N4BP3: variants seen among roughly 807,000 people sequenced by gnomAD.
N4BP3 encodes NEDD4-binding protein 3.
N4BP3 carries 33 observed loss-of-function variants against 43.8 expected under a neutral mutation model. The observed-to-expected ratio is 0.75, with a 90% CI of 0.57 to 1.01. N4BP3 has a LOEUF of 1.01. Ranked by LOEUF, N4BP3 falls within the 50% of genes least tolerant of loss-of-function variation. The probability of loss-of-function intolerance (pLI) is 0.00; values close to 1 mark genes in which losing one functional copy is unlikely to be tolerated. For synonymous variants in N4BP3, 326 were observed against 321.9 expected (o/e 1.01, Z -0.14); for missense variants, 756 against 744.2 (o/e 1.02, Z -0.18).
intron 4 of N4BP3, 45 bp from the exon 5 acceptor site, chr5:178,121,429 C>T (rs201968857): frequency 5.0e-6 from 8 of 1,613,488 alleles, no homozygotes; most frequent in Admixed American, 3.3e-5. Flanking sequence ...CCTCCCAAAC[C>T]GGCTCCCCAC....
intron 3 of N4BP3, 82 bp from the exon 4 acceptor site, chr5:178,121,016 T>A (rs776043550): frequency 3.1e-5 from 46 of 1,505,654 alleles, no homozygotes; most frequent in Non-Finnish European, 4.0e-5. Context: ...CAGGATATGA[T>A]CAGTGGCTGG....
chr5:178,122,388 A>C lies in N4BP3; in HGVS notation c.*387A>C. On this transcript the variant is annotated 3_prime_UTR_variant, in exon 5 of 5. Coordinates refer to ENST00000274605, the MANE Select transcript of N4BP3 (RefSeq NM_015111.2). ...GGAACACTGGCCTCCCCCAGAATAA[A>C]ACCATGTTTTCTACCAGAGGCTCAG... 5.2e-6 allele frequency: 1 copy of C among 191,556 alleles called. No individual in the cohort carries two copies. The highest frequency in any genetic ancestry group is 1.1e-5 in the Non-Finnish European group (1 of 92,462). The allele number at this position is 191,556 out of a possible 1,614,324, so 11.9% of individuals were successfully genotyped here. A position where few individuals can be genotyped will look rare whatever the true frequency, so the allele number is the denominator to read the frequency against.
intron 1 of N4BP3, among the ~76,000 whole-genome samples, chr5:178,114,989 C>T (rs942883712): frequency 2.6e-5 from 4 of 152,198 alleles, no homozygotes; most frequent in African/African-American, 9.7e-5. Context: ...CTTAGGACAA[C>T]CTGCTGAGGT....
In N4BP3 at chr5:178,119,748, C is replaced by T. The variant is rs1757863990; in HGVS notation, c.165C>T (p.Phe55=). 6.2e-7 allele frequency: 1 copy of T among 1,613,452 alleles called. No homozygotes were observed. The highest frequency in any genetic ancestry group is 8.5e-7 in the Non-Finnish European group (1 of 1,180,018). ...GGAAGGGCTTGGGCCAGCGTGAGTTCCTCAGCTACCTGCACCTCCCCAAGA... is the reference window on the plus strand; with the variant it reads ...GGAAGGGCTTGGGCCAGCGTGAGTTTCTCAGCTACCTGCACCTCCCCAAGA... ...LLRKGLGQRE[F]LSYLHLPKKD... is the part of the protein sequence containing the mutation. Residue 55 remains phenylalanine (F), a synonymous_variant, in exon 2 of 5, where the codon TTC becomes TTT. Transcript: ENST00000274605.
At position 178,121,590 on chromosome 5, in the gene N4BP3, C is replaced by T. The variant is rs747797143; in HGVS notation, c.1224C>T (p.Ser408=). 1 of 1,613,386 alleles carries T rather than the reference C, an allele frequency of 6.2e-7. No individual in the cohort carries two copies. The highest frequency in any genetic ancestry group is 8.5e-7 in the Non-Finnish European group (1 of 1,179,966). The change falls in exon 5 of 5, where the codon AGC becomes AGT. Residue 408 remains serine (S), a synonymous_variant. Transcript: ENST00000274605. ...GTCTGAAGACACAACTTCGGGGCAG[C>T]CGGGCACAAGCCCAGGCTCAGGACG... ...IFSLKTQLRG[S]RAQAQAQDAE...
chr5:178,119,989 G>T (rs13163671), intron 2 of N4BP3, 76 bp downstream of exon 2: 1 of 1,492,278 alleles, frequency 6.7e-7, no homozygotes, highest in South Asian at 1.3e-5. Context: ...TTGGGATGGG[G>T]TGGGGACGGG....
In N4BP3 at chr5:178,121,258, G is replaced by C; in HGVS notation, c.1013G>C (p.Arg338Pro). The C allele has an allele frequency of 1.2e-6, 2 of 1,605,820 alleles. No individual in the cohort carries two copies. The highest frequency in any genetic ancestry group is 8.5e-7 in the Non-Finnish European group (1 of 1,176,670). The change falls in exon 4 of 5, where the codon CGG becomes CCG. Residue 338 changes from arginine to proline, a missense_variant. Transcript: ENST00000274605. ...CAGCGGCGCCTGCGCAAGGAGCTGC[G>C]GGCTCAGCAGGGCCTGGCTCCGGAG... Reference protein sequence around the residue: ...QEQRRLRKELRAQQGLAPEPR... With the variant: ...QEQRRLRKELPAQQGLAPEPR...
intron 1 of N4BP3, among the ~76,000 whole-genome samples, chr5:178,116,172 C>G (rs1203593032): frequency 6.6e-6 from 1 of 151,712 alleles, no homozygotes; most frequent in East Asian, 2.0e-4. Context: ...ACCAAATCCC[C>G]TCCGCCTGCA....
downstream of N4BP3, among the ~76,000 whole-genome samples, chr5:178,126,655 G>A (rs1758070997): frequency 6.6e-6 from 1 of 152,136 alleles, no homozygotes; most frequent in East Asian, 1.9e-4. Flanking sequence ...GCAGGGAGGG[G>A]CCTTCTCTGA....
Position 178,118,369 on chromosome 5 carries a change from A to G in N4BP3, c.-30-1185A>G, listed in dbSNP as rs1297220287. ...ACCCCATCCTCCCAGCATCCCAGTG[A>G]TAAGTGTTATTGTCGCCAGGGTGTG... On this transcript the variant is annotated intron_variant, in intron 1 of 4. Transcript: ENST00000274605. This position sits in a 1 kb window ranked among gnomAD's most constrained non-coding sequence, Gnocchi z 5.4. Among the ~76,000 whole-genome samples, 1 of 152,198 alleles carries G rather than the reference A, an allele frequency of 6.6e-6. No individual in the cohort carries two copies. The highest frequency in any genetic ancestry group is 1.5e-5 in the Non-Finnish European group (1 of 68,024).
In N4BP3 at chr5:178,115,478, G is replaced by A. The variant is rs145866039; in HGVS notation, c.-31+1707G>A. Among the ~76,000 whole-genome samples, 45 of 152,338 alleles carry A rather than the reference G, an allele frequency of 3.0e-4. No individual in the cohort carries two copies. The East Asian group carries it at 7.3e-3, about 25-fold the overall frequency. ...CAGGGCTCAGGAGGGGCTGACTGTA[G>A]CCAGGGCAGGCAGCACTCCTGCCCA... On this transcript the variant is annotated intron_variant, in intron 1 of 4. Coordinates refer to ENST00000274605, the MANE Select transcript of N4BP3 (RefSeq NM_015111.2).
chr5:178,120,767 G>T (rs908709317), intron 3 of N4BP3, 68 bp downstream of exon 3: 2 of 1,464,178 alleles, frequency 1.4e-6, no homozygotes, highest in African/African-American at 2.8e-5. Context: ...AGAGAGAGGG[G>T]CCCCAGCCAG....
In N4BP3 at chr5:178,118,246, TG is replaced by T. The variant is rs1757817711; in HGVS notation, c.-30-1306del. 6.6e-6 allele frequency among the ~76,000 whole-genome samples: 1 copy of T among 152,080 alleles called. No individual in the cohort carries two copies. Among genetic ancestry groups the T allele is most frequent in the Non-Finnish European group, 1.5e-5 (1 of 68,004 alleles). ...AAGGTGGTCCGTCAGCCTAGTCCCT[TG>T]GTGATGTTTGTGTGCCTGGCTGAGC... On this transcript the variant is annotated intron_variant, in intron 1 of 4. Coordinates refer to ENST00000274605, the MANE Select transcript of N4BP3 (RefSeq NM_015111.2). This position sits in a 1 kb window ranked among gnomAD's most constrained non-coding sequence, Gnocchi z 5.4.
rs976300969 is a variant in N4BP3, at chr5:178,118,034, G to C, written c.-30-1520G>C. ...AGTAGGGGACCCACAGCTGCAGCTG[G>C]CCTGCTGGGCTTCTGTTCGAGAATG... On this transcript the variant is annotated intron_variant, in intron 1 of 4. Transcript: ENST00000274605. The surrounding 1 kb of genome is among the most constrained non-coding windows in gnomAD (Gnocchi z 5.4). 6.6e-6 allele frequency among the ~76,000 whole-genome samples: 1 copy of C among 152,186 alleles called. No homozygotes were observed. Among genetic ancestry groups the C allele is most frequent in the Non-Finnish European group, 1.5e-5 (1 of 68,032 alleles).
At position 178,121,772 on chromosome 5, in the gene N4BP3, G is replaced by GGGCTGAGCTGCTGCA; in HGVS notation, c.1409_1423dup (p.Ala470_Gln474dup). 1 of 1,608,350 alleles carries GGGCTGAGCTGCTGCA rather than the reference G, an allele frequency of 6.2e-7. No individual in the cohort carries two copies. The highest frequency in any genetic ancestry group is 8.5e-7 in the Non-Finnish European group (1 of 1,179,652). On this transcript the variant is annotated inframe_insertion, in exon 5 of 5. Transcript: ENST00000274605. ...GCCAGAGACAGTGCTGAGCAGCTGC[G>GGGCTGAGCTGCTGCA]GGCTGAGCTGCTGCAGGAGCGACTT...
In N4BP3 at chr5:178,113,556, G is replaced by A. The variant is rs1416283436; in HGVS notation, c.-246G>A. The A allele has an allele frequency of 6.6e-6, 1 of 151,642 alleles. No homozygotes were observed. Among genetic ancestry groups the A allele is most frequent in the Non-Finnish European group, 1.5e-5 (1 of 67,862 alleles). 9.4% of individuals were successfully genotyped at this position (151,642 alleles called of 1,614,324 possible). A position where few individuals can be genotyped will look rare whatever the true frequency, so the allele number is the denominator to read the frequency against. On this transcript the variant is annotated 5_prime_UTR_variant, in exon 1 of 5. Transcript: ENST00000274605. ...GGTTTTCCCTCCGCCTTTGGGGCAG[G>A]CGATCGAGCGCCGCGGAGCGCGTCC...
rs1031065758 is a variant in N4BP3, at chr5:178,121,078, G to A, written c.853-20G>A. ...TCTAGGGGGCAGGGCCACGGTGGAT[G>A]CATCTCTTCCCCTTGACAGGTGCTG... On this transcript the variant is annotated intron_variant, in intron 3 of 4. Coordinates refer to ENST00000274605, the MANE Select transcript of N4BP3 (RefSeq NM_015111.2). The A allele has an allele frequency of 1.3e-6, 2 of 1,591,982 alleles. No individual in the cohort carries two copies. The highest frequency in any genetic ancestry group is 1.7e-6 in the Non-Finnish European group (2 of 1,176,796).
At chr5:178,119,989 G>A (rs13163671) in intron 2 of N4BP3, 76 bp downstream of exon 2, 349,158 of 1,490,074 alleles carry the variant, frequency 0.23, 42,048 homozygotes, top group East Asian at 0.27. Flanking sequence ...TTGGGATGGG[G>A]TGGGGACGGG....
At position 178,120,597 on chromosome 5, in the gene N4BP3, C is replaced by T. The variant is rs761900758; in HGVS notation, c.750C>T (p.Phe250=). Residue 250 remains phenylalanine, a synonymous_variant, in exon 3 of 5, where the codon TTC becomes TTT. Transcript: ENST00000274605. The part of the protein sequence containing the change: ...CLPEPPPPYE[F]SCSSAEEMGA... ...CCGAGCCACCACCCCCCTACGAGTT[C>T]TCCTGCTCCTCTGCCGAGGAAATGG... The T allele has an allele frequency of 5.0e-6, 8 of 1,612,288 alleles. No homozygotes were observed. The African/African-American group carries it at 5.3e-5, about 11-fold the overall frequency.
Sources: allele counts gnomAD v4.1 joint callset (sites outside exome capture counted in the v4.1 genomes callset), GRCh38; gene constraint gnomAD v4.1.1; non-coding constraint Gnocchi (gnomAD v3.1); transcripts MANE v1.5; gene names NCBI Gene and HGNC (gene_info 2026-07-23, HGNC 2026-07-21).